The following PGM2 variants were observed in gnomAD, a reference collection of about 807,000 sequenced individuals.
PGM2 encodes phosphoglucomutase 2, also known as phosphopentomutase.
A neutral mutation model predicts 74.6 loss-of-function variants in PGM2; 57 were observed. The observed-to-expected ratio is 0.76, with a 90% CI of 0.62 to 0.95. The LOEUF is 0.95. Among genes scored for constraint, PGM2 ranks in the 40% least tolerant of loss-of-function variants. PGM2 has a pLI of 0.00. For synonymous variants in PGM2, 273 were observed against 260.7 expected (o/e 1.05, Z -0.46); for missense variants, 706 against 741.9 (o/e 0.95, Z 0.56).
intron 4 of PGM2, 50 bp downstream of exon 4, chr4:37,837,663 G>T: frequency 8.6e-7 from 1 of 1,160,700 alleles, no homozygotes; most frequent in Non-Finnish European, 1.3e-6. Flanking sequence ...TCAGGGATGG[G>T]ACTTGGCTGA....
At chr4:37,827,124 A>C (rs1287496276) in intron 1 of PGM2, among the ~76,000 whole-genome samples, 2 of 152,202 alleles carry the variant, frequency 1.3e-5, no homozygotes, top group South Asian at 2.1e-4. Flanking sequence ...GACGCTGTCT[A>C]GTTGAGGGGC....
chr4:37,843,387 A>G (rs914128845), intron 6 of PGM2, among the ~76,000 whole-genome samples: 1 of 152,182 alleles, frequency 6.6e-6, no homozygotes, highest in African/African-American at 2.4e-5. Context: ...CAATTCTCTT[A>G]GATAAGACCT....
intron 2 of PGM2, among the ~76,000 whole-genome samples, chr4:37,832,617 T>C (rs929839172): frequency 1.3e-5 from 2 of 152,258 alleles, no homozygotes; most frequent in African/African-American, 4.8e-5. Context: ...TAATTTATGC[T>C]TTATTTATGT....
At chr4:37,852,812 T>A (rs1184596907) in intron 12 of PGM2, among the ~76,000 whole-genome samples, 2 of 152,238 alleles carry the variant, frequency 1.3e-5, no homozygotes. Flanking sequence ...AAACTTCAGG[T>A]TCTAAAATTT....
chr4:37,831,465 C>T (rs148986451), intron 2 of PGM2, among the ~76,000 whole-genome samples: 3 of 152,308 alleles, frequency 2.0e-5, no homozygotes, highest in African/African-American at 7.2e-5. Flanking sequence ...TTTGGTAGAA[C>T]TCAGTGGGGA....
intron 13 of PGM2, among the ~76,000 whole-genome samples, chr4:37,857,798 T>A (rs1711579350): frequency 6.6e-6 from 1 of 152,232 alleles, no homozygotes; most frequent in South Asian, 2.1e-4. Flanking sequence ...AATTCTGGAT[T>A]ACCAATATTT....
Position 37,850,332 on chromosome 4 carries a change from C to A in PGM2, c.1561C>A (p.Leu521Ile). The change falls in exon 12 of 14, where the codon CTT becomes ATT. Residue 521 changes from leucine (L) to isoleucine (I), a missense_variant. Leu to Ile is a conservative substitution (Grantham distance 5, BLOSUM62 2). Transcript: ENST00000381967. Reference protein sequence around the residue: ...GKFEISAIRDLTTGYDDSQPD... With the variant: ...GKFEISAIRDITTGYDDSQPD... Reference sequence around the variant, plus strand: ...ATTTGAAATTTCTGCCATTAGGGACCTTACAACTGGCTATGATGATAGCCA... The same window carrying A: ...ATTTGAAATTTCTGCCATTAGGGACATTACAACTGGCTATGATGATAGCCA... The A allele has an allele frequency of 1.3e-6, 2 of 1,577,656 alleles. No individual in the cohort carries two copies. The highest frequency in any genetic ancestry group is 8.6e-7 in the Non-Finnish European group (1 of 1,169,152).
At chr4:37,860,620 AT>A (rs1330241920) in intron 13 of PGM2, among the ~76,000 whole-genome samples, 1 of 152,212 alleles carries the variant, frequency 6.6e-6, no homozygotes, top group Non-Finnish European at 1.5e-5. Flanking sequence ...AATTATAGGG[AT>A]TTCCATTAAA....
Position 37,837,613 on chromosome 4 carries a change from GGT to G in PGM2, c.441+1_441+2del, listed in dbSNP as rs1725602448. Reference sequence around the variant, plus strand: ...CTGATATAACGCCAACCCCCTTTGTGGTAAGTAGCCATTTCCTTTCATAATTT... The same window carrying G: ...CTGATATAACGCCAACCCCCTTTGTGAAGTAGCCATTTCCTTTCATAATTT... On this transcript the variant is annotated splice_donor_variant, in intron 4 of 13. Transcript: ENST00000381967. LOFTEE classifies it high-confidence loss of function. 2 of 1,581,116 alleles carry G rather than the reference GGT, an allele frequency of 1.3e-6. No individual in the cohort carries two copies. The highest frequency in any genetic ancestry group is 4.5e-5 in the East Asian group (2 of 44,702).
rs112647248 is a variant in PGM2, at chr4:37,834,249, T to C, written c.250-369T>C. Among the ~76,000 whole-genome samples the C allele has an allele frequency of 5.1e-3, 770 of 151,982 alleles. 7 individuals are homozygous for C. The highest frequency in any genetic ancestry group is 0.017 in the African/African-American group (686 of 41,442). On this transcript the variant is annotated intron_variant, in intron 2 of 13. Transcript: ENST00000381967. ...CTCAGGAGGCTGAGGTAGGGGGGGA[T>C]TGCTTAAACCCAGGAATTCAAGGTT...
chr4:37,834,149 T>C (rs184599533), intron 2 of PGM2, among the ~76,000 whole-genome samples: 2 of 152,160 alleles, frequency 1.3e-5, no homozygotes, highest in East Asian at 1.9e-4. Context: ...CTGGGCAACA[T>C]TGCAAGACCC....
chr4:37,831,019 C>A (rs1017496984), intron 2 of PGM2, among the ~76,000 whole-genome samples: 1 of 151,880 alleles, frequency 6.6e-6, no homozygotes, highest in East Asian at 1.9e-4. Flanking sequence ...CATGGTGAAA[C>A]CCTGTCTCTA....
chr4:37,861,437 C>A, intron 13 of PGM2, 73 bp from the exon 14 acceptor site: 1 of 931,314 alleles, frequency 1.1e-6, no homozygotes, highest in Non-Finnish European at 1.8e-6. Context: ...GTCACTTGGT[C>A]AATGGGGGGA....
At chr4:37,830,199 T>C in intron 2 of PGM2, 68 bp downstream of exon 2, 1 of 1,078,042 alleles carries the variant, frequency 9.3e-7, no homozygotes, top group Non-Finnish European at 1.3e-6. Flanking sequence ...TTGGCAGACC[T>C]AATTTATTCT....
intron 13 of PGM2, among the ~76,000 whole-genome samples, chr4:37,861,187 A>G (rs140782047): frequency 3.4e-4 from 52 of 152,316 alleles, no homozygotes; most frequent in African/African-American, 1.2e-3. Context: ...ACCCTTAGGT[A>G]CAAATATTAC....
intron 3 of PGM2, among the ~76,000 whole-genome samples, chr4:37,835,292 T>G (rs1435268264): frequency 6.6e-6 from 1 of 152,214 alleles, no homozygotes; most frequent in East Asian, 1.9e-4. Context: ...AGTCGCAATT[T>G]AAGCCTAAGG....
chr4:37,834,450 C>G (rs1359089131), intron 2 of PGM2, among the ~76,000 whole-genome samples, 168 bp from the exon 3 acceptor site: 1 of 152,068 alleles, frequency 6.6e-6, no homozygotes, highest in African/African-American at 2.4e-5. Context: ...ATAAACAAAG[C>G]TGTTATTTTA....
At chr4:37,828,347 CCTT>C (rs370254143) in intron 1 of PGM2, among the ~76,000 whole-genome samples, 1 of 151,146 alleles carries the variant, frequency 6.6e-6, no homozygotes, top group Non-Finnish European at 1.5e-5. Flanking sequence ...GATGAGATGT[CCTT>C]TTTTTTTTTT....
intron 2 of PGM2, among the ~76,000 whole-genome samples, chr4:37,832,840 C>T (rs1408278632): frequency 6.6e-6 from 1 of 152,178 alleles, no homozygotes; most frequent in Non-Finnish European, 1.5e-5. Context: ...AAACTTGCTT[C>T]TTATGTTTTA....
Sources: gnomAD v4.1 joint callset for allele counts (sites outside exome capture counted in the v4.1 genomes callset) on GRCh38, gnomAD v4.1.1 for gene constraint, MANE v1.5 for transcripts, NCBI Gene and HGNC (gene_info 2026-07-23, HGNC 2026-07-21) for gene names.